ARHGEF26: variants seen among roughly 807,000 people sequenced by gnomAD.
ARHGEF26 encodes Rho guanine nucleotide exchange factor 26.
ARHGEF26 carries 59 observed loss-of-function variants against 89.4 expected under a neutral mutation model. That is an observed-to-expected ratio of 0.66 (90% CI 0.54 to 0.82). The LOEUF (loss-of-function observed/expected upper bound fraction) is 0.82. ARHGEF26 is among the 40% of genes least tolerant of loss of function. The pLI is 0.00. For synonymous variants in ARHGEF26, 500 were observed against 428.4 expected (o/e 1.17, Z -2.06); for missense variants, 1,234 against 1,085.6 (o/e 1.14, Z -1.92).
intron 11 of ARHGEF26, among the ~76,000 whole-genome samples, chr3:154,233,128 G>A (rs189863972): frequency 4.6e-5 from 7 of 152,166 alleles, no homozygotes; most frequent in African/African-American, 1.7e-4. Flanking sequence ...ACTGCATCCA[G>A]CCTAGAATTG....
At chr3:154,184,267 C>G (rs909696326) in intron 6 of ARHGEF26, among the ~76,000 whole-genome samples, 4 of 152,150 alleles carry the variant, frequency 2.6e-5, no homozygotes, top group African/African-American at 9.7e-5. Context: ...CCACCGTGCC[C>G]GGCCTTTCAA....
At chr3:154,170,334 G>T (rs1223239983) in intron 6 of ARHGEF26, among the ~76,000 whole-genome samples, 3 of 152,182 alleles carry the variant, frequency 2.0e-5, no homozygotes, top group Non-Finnish European at 4.4e-5. Context: ...CTGCACTCCA[G>T]CCTGTGACAG....
chr3:154,123,539 T>G (rs1361866875), intron 2 of ARHGEF26, among the ~76,000 whole-genome samples: 1 of 152,224 alleles, frequency 6.6e-6, no homozygotes, highest in Non-Finnish European at 1.5e-5. Context: ...ATTTTTTGCT[T>G]TTACTTACTG....
At chr3:154,169,447 A>G (rs1215961542) in intron 6 of ARHGEF26, among the ~76,000 whole-genome samples, 2 of 151,762 alleles carry the variant, frequency 1.3e-5, no homozygotes, top group African/African-American at 4.8e-5. Flanking sequence ...CTTTTCTTAT[A>G]CTATAAACAA....
chr3:154,137,615 G>A (rs1235544027), intron 4 of ARHGEF26, among the ~76,000 whole-genome samples: 1 of 152,022 alleles, frequency 6.6e-6, no homozygotes, highest in Non-Finnish European at 1.5e-5. Flanking sequence ...TTAGATTATG[G>A]TACATTTCTG....
Position 154,123,087 on chromosome 3 carries a change from C to T in ARHGEF26, c.1083+12C>T, listed in dbSNP as rs370810825. 9.3e-6 allele frequency: 15 copies of T among 1,612,536 alleles called. No homozygotes were observed. The highest frequency in any genetic ancestry group is 1.3e-5 in the Non-Finnish European group (15 of 1,178,974). The stretch of plus-strand genomic sequence containing the variant: ...TGGGAAGGATAAAGGTAAAAGTGGG[C>T]AGGAGTGTGGCACGCCATTCACTAA... On this transcript the variant is annotated intron_variant, in intron 2 of 14. Transcript: ENST00000465093.
At chr3:154,238,845 G>A (rs545085561) in intron 11 of ARHGEF26, among the ~76,000 whole-genome samples, 2 of 152,246 alleles carry the variant, frequency 1.3e-5, no homozygotes, top group South Asian at 4.1e-4. Flanking sequence ...TATGCAAGAT[G>A]TGATTTAACT....
At chr3:154,202,219 A>G (rs1360613529) in intron 9 of ARHGEF26, among the ~76,000 whole-genome samples, 1 of 152,216 alleles carries the variant, frequency 6.6e-6, no homozygotes, top group Non-Finnish European at 1.5e-5. Context: ...AGCTTCCTAC[A>G]TATGGCTAGC....
At chr3:154,181,052 G>A (rs973791261) in intron 6 of ARHGEF26, among the ~76,000 whole-genome samples, 4 of 152,228 alleles carry the variant, frequency 2.6e-5, no homozygotes, top group East Asian at 1.9e-4. Context: ...GTGGCGGTGC[G>A]CTTGCCATGC....
In ARHGEF26 at chr3:154,180,840, A is replaced by G. The variant is rs1713138741; in HGVS notation, c.1488-6845A>G. ...TTTACCAGATCAGGATGTAGGTAGG[A>G]TATTTTCTGATTGAGAAGCAACTGT... On this transcript the variant is annotated intron_variant, in intron 6 of 14. Transcript: ENST00000465093. Among the ~76,000 whole-genome samples, 3 of 152,030 alleles carry G rather than the reference A, an allele frequency of 2.0e-5. No homozygotes were observed. In the South Asian group the frequency reaches 6.2e-4, roughly 32 times the overall value.
intron 9 of ARHGEF26, among the ~76,000 whole-genome samples, chr3:154,216,438 A>G (rs1715727212): frequency 2.0e-5 from 3 of 148,220 alleles, no homozygotes; most frequent in South Asian, 2.1e-4. Context: ...AGAATCCTTC[A>G]CTGTTAGGCT....
intron 11 of ARHGEF26, among the ~76,000 whole-genome samples, chr3:154,230,470 G>GA (rs1204124926): frequency 3.9e-5 from 6 of 152,094 alleles, no homozygotes; most frequent in East Asian, 1.9e-4. Context: ...GTTATTGGGG[G>GA]AAAAAAGCAT....
At chr3:154,212,248 T>G (rs979511679) in intron 9 of ARHGEF26, among the ~76,000 whole-genome samples, 1 of 151,844 alleles carries the variant, frequency 6.6e-6, no homozygotes, top group Non-Finnish European at 1.5e-5. Context: ...GGAGGATTGC[T>G]TGAGCCCAGG....
intron 12 of ARHGEF26, among the ~76,000 whole-genome samples, chr3:154,240,895 A>G (rs930106085): frequency 5.9e-5 from 9 of 152,174 alleles, no homozygotes; most frequent in Admixed American, 1.3e-4. Context: ...ATGATACACT[A>G]TCCTTAAGGA....
intron 6 of ARHGEF26, among the ~76,000 whole-genome samples, chr3:154,154,918 C>CT (rs1720238558): frequency 6.6e-6 from 1 of 151,950 alleles, no homozygotes; most frequent in Non-Finnish European, 1.5e-5. Context: ...GCCATTCTAT[C>CT]TTTGAGATTT....
intron 5 of ARHGEF26, among the ~76,000 whole-genome samples, chr3:154,152,562 T>G (rs549025806): frequency 6.6e-6 from 1 of 152,278 alleles, no homozygotes; most frequent in South Asian, 2.1e-4. Context: ...TATTTACAGA[T>G]AGTGATTATT....
chr3:154,242,950 G>A (rs1339895289), intron 12 of ARHGEF26, among the ~76,000 whole-genome samples: 2 of 152,170 alleles, frequency 1.3e-5, no homozygotes, highest in Admixed American at 6.5e-5. Context: ...GCCCCTCTGT[G>A]TTTGCGGCTG....
intron 6 of ARHGEF26, among the ~76,000 whole-genome samples, chr3:154,182,437 C>T (rs1211558388): frequency 2.0e-5 from 3 of 152,128 alleles, no homozygotes; most frequent in Admixed American, 2.0e-4. Flanking sequence ...CTGTGTCAAC[C>T]AGGACCAGAG....
At chr3:154,232,226 G>A (rs1359597393) in intron 11 of ARHGEF26, among the ~76,000 whole-genome samples, 1 of 152,152 alleles carries the variant, frequency 6.6e-6, no homozygotes, top group East Asian at 1.9e-4. Flanking sequence ...AGAAGTGCTG[G>A]GCTGTGGCAT....
Sources: gnomAD v4.1 joint callset for allele counts (sites outside exome capture counted in the v4.1 genomes callset) on GRCh38, gnomAD v4.1.1 for gene constraint, MANE v1.5 for transcripts, NCBI Gene and HGNC (gene_info 2026-07-23, HGNC 2026-07-21) for gene names.